The following PLEKHA2 variants were observed in gnomAD, a reference collection of about 807,000 sequenced individuals.
PLEKHA2 encodes pleckstrin homology domain containing A2.
A neutral mutation model predicts 53.2 loss-of-function variants in PLEKHA2; 28 were observed. That is an observed-to-expected ratio of 0.53 (90% CI 0.39 to 0.72). PLEKHA2 has a LOEUF of 0.72. Among genes scored for constraint, PLEKHA2 ranks in the 30% least tolerant of loss-of-function variants. The pLI is 0.00. For missense variants in PLEKHA2, 426 were observed against 537.9 expected, an observed-to-expected ratio of 0.79 and a Z score of 2.06; for synonymous variants, 193 against 196.4, an observed-to-expected ratio of 0.98 and a Z score of 0.14.
chr8:38,956,309 C>T (rs954101766), intron 9 of PLEKHA2, among the ~76,000 whole-genome samples: 5 of 152,154 alleles, frequency 3.3e-5, no homozygotes, highest in Non-Finnish European at 5.9e-5. Context: ...AGCAGTGTCC[C>T]CTAAAGGAGT....
At position 38,952,327 on chromosome 8, in the gene PLEKHA2, AG is replaced by A; in HGVS notation, c.633+19del. ...AAGGGAATGTGGTGAGTGTCAGCAC[AG>A]GGGCTGAATTGGGGTTCTGGTGACT... On this transcript the variant is annotated intron_variant, in intron 7 of 11. Coordinates refer to ENST00000617275, the MANE Select transcript of PLEKHA2 (RefSeq NM_021623.2). 1.2e-6 allele frequency: 2 copies of A among 1,610,490 alleles called. No homozygotes were observed. Among genetic ancestry groups the A allele is most frequent in the African/African-American group, 2.7e-5 (2 of 75,016 alleles).
rs1177787398 is a variant in PLEKHA2 at position 38,973,176 on chromosome 8, T to G, written c.*3393T>G. ...TCAGCTGATGGTTGGTAAAAATAATTTGGCCTTTAGTGTTAAGTGAGACAT... is the reference window on the plus strand; with the variant it reads ...TCAGCTGATGGTTGGTAAAAATAATGTGGCCTTTAGTGTTAAGTGAGACAT... On this transcript the variant is annotated 3_prime_UTR_variant, in exon 12 of 12. Coordinates refer to ENST00000617275, the MANE Select transcript of PLEKHA2 (RefSeq NM_021623.2). 2.0e-5 allele frequency: 3 copies of G among 152,120 alleles called. No individual in the cohort carries two copies. The highest frequency in any genetic ancestry group is 4.8e-5 in the African/African-American group (2 of 41,434). 9.4% of individuals were successfully genotyped at this position (152,120 alleles called of 1,614,324 possible).
At chr8:38,907,355 CAG>C (rs1203519156) in intron 1 of PLEKHA2, among the ~76,000 whole-genome samples, 1 of 152,216 alleles carries the variant, frequency 6.6e-6, no homozygotes, top group Non-Finnish European at 1.5e-5. Flanking sequence ...AGTAGTCAGG[CAG>C]AGTCTCCCAT....
At chr8:38,905,685 CTTTTTT>C (rs5891048) in intron 1 of PLEKHA2, among the ~76,000 whole-genome samples, 57 of 117,608 alleles carry the variant, frequency 4.8e-4, no homozygotes, top group Admixed American at 4.7e-3. Context: ...TGTGTTTTTG[CTTTTTT>C]TTTTTTTTTT....
intron 1 of PLEKHA2, among the ~76,000 whole-genome samples, chr8:38,913,339 G>C: frequency 6.6e-6 from 1 of 151,094 alleles, no homozygotes; most frequent in East Asian, 1.9e-4. Context: ...ACTCCAGCCT[G>C]GGTGACATAG....
At chr8:38,956,571 A>G (rs1233790139) in intron 9 of PLEKHA2, among the ~76,000 whole-genome samples, 1 of 152,132 alleles carries the variant, frequency 6.6e-6, no homozygotes, top group African/African-American at 2.4e-5. Flanking sequence ...AAGCTGAGGC[A>G]GGCAGATTGC....
chr8:38,915,562 C>A (rs1379404666), intron 1 of PLEKHA2, among the ~76,000 whole-genome samples: 1 of 152,214 alleles, frequency 6.6e-6, no homozygotes, highest in African/African-American at 2.4e-5. Context: ...CCAATGACAT[C>A]ATGCTAACTC....
chr8:38,948,893 C>T (rs946620736), intron 5 of PLEKHA2, among the ~76,000 whole-genome samples: 7 of 152,004 alleles, frequency 4.6e-5, no homozygotes, highest in East Asian at 1.9e-4. Flanking sequence ...TGTTTTGAAA[C>T]GGAGTCTCGC....
At chr8:38,917,719 C>T (rs959223045) in intron 1 of PLEKHA2, among the ~76,000 whole-genome samples, 188 bp from the exon 2 acceptor site, 1 of 152,096 alleles carries the variant, frequency 6.6e-6, no homozygotes, top group South Asian at 2.1e-4. Context: ...GAGTTGAATA[C>T]GTGTGAATGG....
chr8:38,907,452 A>G (rs1189427846), intron 1 of PLEKHA2, among the ~76,000 whole-genome samples: 1 of 152,196 alleles, frequency 6.6e-6, no homozygotes, highest in Non-Finnish European at 1.5e-5. Context: ...CACAGCTCTC[A>G]TTACTTAATA....
chr8:38,971,446 T>C lies in PLEKHA2; in HGVS notation c.*1663T>C, dbSNP rs1039877592. The C allele has an allele frequency of 3.9e-5, 6 of 152,392 alleles. No homozygotes were observed. The highest frequency in any genetic ancestry group is 1.4e-4 in the African/African-American group (6 of 41,460). 9.4% of individuals were successfully genotyped at this position (152,392 alleles called of 1,614,324 possible). ...TTCAAGAAGCCATTCCAAATTCTTA[T>C]AGCTCCTTAGCTCTGGTTTTACTCT... On this transcript the variant is annotated 3_prime_UTR_variant, in exon 12 of 12. Transcript: ENST00000617275.
intron 1 of PLEKHA2, among the ~76,000 whole-genome samples, chr8:38,907,854 G>GTATT (rs1245885398): frequency 7.1e-6 from 1 of 141,426 alleles, no homozygotes; most frequent in Non-Finnish European, 1.6e-5. Context: ...ATGTATGTAT[G>GTATT]TATGTATGTA....
At chr8:38,932,711 G>A (rs1834416441) in intron 2 of PLEKHA2, among the ~76,000 whole-genome samples, 1 of 152,234 alleles carries the variant, frequency 6.6e-6, no homozygotes, top group African/African-American at 2.4e-5. Flanking sequence ...AGTGGACCCT[G>A]AGCGTCACTT....
At chr8:38,949,993 G>T (rs1834796830) in intron 5 of PLEKHA2, among the ~76,000 whole-genome samples, 1 of 152,096 alleles carries the variant, frequency 6.6e-6, no homozygotes, top group Non-Finnish European at 1.5e-5. Flanking sequence ...TGTTCAATCT[G>T]CCCAGAATGC....
intron 3 of PLEKHA2, among the ~76,000 whole-genome samples, chr8:38,938,425 CGCAGCAGA>C (rs1428212401): frequency 3.3e-5 from 5 of 152,182 alleles, no homozygotes; most frequent in Non-Finnish European, 7.3e-5. Context: ...GGGCAGAGGC[CGCAGCAGA>C]GCTAGGAGAC....
rs574079457 is a variant in PLEKHA2, at chr8:38,934,597, G to A, written c.142-1397G>A. 1.1e-4 allele frequency among the ~76,000 whole-genome samples: 17 copies of A among 152,230 alleles called. No homozygotes were observed. In the East Asian group the frequency reaches 2.3e-3, roughly 21 times the overall value. On this transcript the variant is annotated intron_variant, in intron 2 of 11. Coordinates refer to ENST00000617275, the MANE Select transcript of PLEKHA2 (RefSeq NM_021623.2). ...AGGGCTGTGATTTCTAACCTTGACC[G>A]TGACTCTGGCATGGGACTGCCTTGG... is the stretch of plus-strand genomic sequence containing the variant.
intron 2 of PLEKHA2, among the ~76,000 whole-genome samples, chr8:38,927,438 A>G (rs1834308723): frequency 6.6e-6 from 1 of 152,190 alleles, no homozygotes; most frequent in South Asian, 2.1e-4. Context: ...CTCAGGAGTT[A>G]GAGGCTGCAG....
At chr8:38,935,483 A>C (rs545862522) in intron 2 of PLEKHA2, among the ~76,000 whole-genome samples, 24 of 151,412 alleles carry the variant, frequency 1.6e-4, no homozygotes, top group Non-Finnish European at 3.2e-4. Context: ...CAGTGGCATG[A>C]ACACAGCTTA....
intron 1 of PLEKHA2, among the ~76,000 whole-genome samples, chr8:38,915,316 T>C (rs1232602088): frequency 2.0e-5 from 3 of 152,216 alleles, no homozygotes; most frequent in African/African-American, 7.2e-5. Context: ...CAGGCCATCA[T>C]AAACAAGGAC....
Sources: gnomAD v4.1 joint callset for allele counts (sites outside exome capture counted in the v4.1 genomes callset) on GRCh38, gnomAD v4.1.1 for gene constraint, MANE v1.5 for transcripts, NCBI Gene and HGNC (gene_info 2026-07-23, HGNC 2026-07-21) for gene names.